Variants in GLI3 observed in about 807,000 individuals in gnomAD.
The protein encoded by GLI3 is GLI family zinc finger 3.
In GLI3, 20 loss-of-function variants were observed where a neutral mutation model predicts 100.8. That is an observed-to-expected ratio of 0.20 (90% CI 0.14 to 0.29). The LOEUF is 0.29. Ranked by LOEUF, GLI3 falls within the 10% of genes least tolerant of loss-of-function variation. GLI3 has a pLI of 1.00. For missense variants in GLI3, 2,040 were observed against 2,128.5 expected, an observed-to-expected ratio of 0.96 and a Z score of 0.82; for synonymous variants, 938 against 860.5, an observed-to-expected ratio of 1.09 and a Z score of -1.58.
intron 2 of GLI3, among the ~76,000 whole-genome samples, chr7:42,216,429 T>A (rs1336209493): frequency 6.6e-6 from 1 of 152,304 alleles, no homozygotes; most frequent in Non-Finnish European, 1.5e-5. Flanking sequence ...ATATGTGACA[T>A]ACATTTGTCA....
chr7:42,166,458 C>T (rs1476224529), intron 2 of GLI3, among the ~76,000 whole-genome samples: 5 of 152,044 alleles, frequency 3.3e-5, no homozygotes. Flanking sequence ...AGGCATCTTT[C>T]TGATCGGGAT....
chr7:42,092,785 T>TTTTA (rs201707528), intron 3 of GLI3, among the ~76,000 whole-genome samples: 4,273 of 145,418 alleles, frequency 0.029, 150 homozygotes, highest in African/African-American at 0.091. Context: ...TTTTATTTCA[T>TTTTA]TTTATTTATT....
Position 41,966,396 on chromosome 7 carries a change from C to G in GLI3, c.2677G>C (p.Asp893His). 6.2e-7 allele frequency: 1 copy of G among 1,610,474 alleles called. No homozygotes were observed. Among genetic ancestry groups the G allele is most frequent in the Non-Finnish European group, 8.5e-7 (1 of 1,179,318 alleles). ...EGRPQNVSVA[D>H]SYDPISTDAS... ...TCGGTGGAGATGGGGTCGTAGGAGTCGGCCACGCTCACGTTCTGCGGCCGG... is the reference window on the plus strand; with the variant it reads ...TCGGTGGAGATGGGGTCGTAGGAGTGGGCCACGCTCACGTTCTGCGGCCGG... The change falls in exon 15 of 15, where the codon GAC becomes CAC. Residue 893 changes from aspartate to histidine, a missense_variant. Physicochemically the swap from Asp to His is moderately conservative, Grantham distance 81 (BLOSUM62 -1). This residue lies in a region of GLI3 where 327 missense variants were observed against 338.7 expected (regional missense o/e 0.97). Transcript: ENST00000395925. The surrounding 1 kb of genome is among the most constrained non-coding windows in gnomAD (Gnocchi z 5.8).
At chr7:42,006,947 T>G (rs979449994) in intron 10 of GLI3, among the ~76,000 whole-genome samples, 4 of 151,938 alleles carry the variant, frequency 2.6e-5, no homozygotes, top group Admixed American at 6.5e-5. Context: ...GAAGTGGAAG[T>G]GATAACAGGG....
chr7:42,193,960 G>A (rs1450684353), intron 2 of GLI3, among the ~76,000 whole-genome samples: 1 of 152,034 alleles, frequency 6.6e-6, no homozygotes, highest in African/African-American at 2.4e-5. Context: ...CCCTGAAAAC[G>A]TACTCCCTCC....
intron 10 of GLI3, among the ~76,000 whole-genome samples, chr7:42,022,132 C>A (rs1341290697): frequency 6.6e-6 from 1 of 152,004 alleles, no homozygotes; most frequent in Non-Finnish European, 1.5e-5. Context: ...ATCTATAATT[C>A]TTCCCATACA....
At chr7:42,230,736 C>T (rs1337156748) in intron 1 of GLI3, among the ~76,000 whole-genome samples, 1 of 152,202 alleles carries the variant, frequency 6.6e-6, no homozygotes, top group Non-Finnish European at 1.5e-5. Context: ...TTCTGTAAAA[C>T]TATGAGTCCC....
chr7:42,180,955 T>C (rs368755945), intron 2 of GLI3, among the ~76,000 whole-genome samples: 116 of 152,306 alleles, frequency 7.6e-4, no homozygotes, highest in African/African-American at 2.7e-3. Context: ...GTATCTGGAC[T>C]GGGGGCTGGC....
rs191197564 is a variant in GLI3 at position 42,201,533 on chromosome 7, G to A, written c.124+21597C>T. ...GCAAAGAAACCAGAAGTCACTTTGG[G>A]GCTGTACTGTCATGCAAGGATGGGA... On this transcript the variant is annotated intron_variant, in intron 2 of 14. Transcript: ENST00000395925. 3.2e-3 allele frequency among the ~76,000 whole-genome samples: 486 copies of A among 152,214 alleles called. 1 individual carries two copies. The highest frequency in any genetic ancestry group is 5.4e-3 in the Non-Finnish European group (365 of 67,956).
At chr7:42,062,107 C>A (rs1047447519) in intron 4 of GLI3, among the ~76,000 whole-genome samples, 6 of 152,234 alleles carry the variant, frequency 3.9e-5, no homozygotes, top group South Asian at 2.1e-4. Flanking sequence ...ATGGTCTTAT[C>A]AAAAACAGCT....
rs147901955 is a variant in GLI3, at chr7:42,235,973, C to T, written c.-43+998G>A. ...GAAGTTGGGGCAGGATGACCAGCGG[C>T]GGAGGGAGCCTCCTTAATCCTCTTT... On this transcript the variant is annotated intron_variant, in intron 1 of 14. Transcript: ENST00000395925. Among the ~76,000 whole-genome samples the T allele has an allele frequency of 4.6e-3, 703 of 152,064 alleles. 4 individuals are homozygous for T. Among genetic ancestry groups the T allele is most frequent in the South Asian group, 0.01 (49 of 4,818 alleles).
intron 4 of GLI3, among the ~76,000 whole-genome samples, chr7:42,058,559 C>T (rs2330284): frequency 0.5 from 75,810 of 151,942 alleles, 19,379 homozygotes; most frequent in African/African-American, 0.57. Flanking sequence ...AATAACATAT[C>T]TACTGCTATA....
intron 2 of GLI3, among the ~76,000 whole-genome samples, chr7:42,162,118 G>C (rs1787142911): frequency 6.6e-6 from 1 of 152,230 alleles, no homozygotes; most frequent in Non-Finnish European, 1.5e-5. Flanking sequence ...AGGCTACAGG[G>C]TTAACACAGG....
intron 3 of GLI3, among the ~76,000 whole-genome samples, chr7:42,091,639 C>T (rs1347574179): frequency 6.6e-6 from 1 of 152,252 alleles, no homozygotes; most frequent in Non-Finnish European, 1.5e-5. Flanking sequence ...ATCACAATTA[C>T]TAACTGCAAG....
chr7:42,085,782 G>T (rs537403194), intron 3 of GLI3, among the ~76,000 whole-genome samples: 1 of 152,284 alleles, frequency 6.6e-6, no homozygotes, highest in East Asian at 1.9e-4. Flanking sequence ...AGATTGTCGG[G>T]GCTCAGGCTC....
At chr7:41,985,846 T>C (rs1380936033) in intron 10 of GLI3, among the ~76,000 whole-genome samples, 1 of 152,144 alleles carries the variant, frequency 6.6e-6, no homozygotes, top group Non-Finnish European at 1.5e-5. Flanking sequence ...AGGACTGAAA[T>C]AGGCCTTATA....
intron 2 of GLI3, among the ~76,000 whole-genome samples, chr7:42,162,125 C>T (rs547780593): frequency 8.5e-5 from 13 of 152,190 alleles, no homozygotes; most frequent in East Asian, 1.9e-4. Context: ...AGGGTTAACA[C>T]AGGGTAAGCA....
intron 7 of GLI3, among the ~76,000 whole-genome samples, chr7:42,036,555 G>A (rs939424527): frequency 2.6e-5 from 4 of 152,144 alleles, no homozygotes; most frequent in African/African-American, 4.8e-5. Context: ...TATTACAGGC[G>A]TCTTTAACCA....
intron 4 of GLI3, among the ~76,000 whole-genome samples, chr7:42,063,260 C>G (rs372102343): frequency 6.6e-6 from 1 of 152,032 alleles, no homozygotes; most frequent in Non-Finnish European, 1.5e-5. Context: ...AAAATCTTGA[C>G]AATGAATCAA....
Sources: allele counts gnomAD v4.1 joint callset (sites outside exome capture counted in the v4.1 genomes callset), GRCh38; gene constraint gnomAD v4.1.1; regional missense constraint gnomAD v4.1.1; non-coding constraint Gnocchi (gnomAD v3.1); transcripts MANE v1.5; gene names NCBI Gene and HGNC (gene_info 2026-07-23, HGNC 2026-07-21).